Variants in SNTG1 observed in about 807,000 individuals in gnomAD.
SNTG1 encodes the protein gamma-1-syntrophin.
SNTG1 carries 39 observed loss-of-function variants against 74.7 expected under a neutral mutation model. That is an observed-to-expected ratio of 0.52 (90% CI 0.40 to 0.68). SNTG1 has a LOEUF of 0.68. SNTG1 is among the 30% of genes least tolerant of loss of function. The probability of loss-of-function intolerance (pLI) is 0.00; values close to 1 mark genes in which losing one functional copy is unlikely to be tolerated. For synonymous variants in SNTG1, 254 were observed against 217.1 expected, an observed-to-expected ratio of 1.17 and a Z score of -1.49; for missense variants, 685 against 609.5, an observed-to-expected ratio of 1.12 and a Z score of -1.30.
intron 13 of SNTG1, among the ~76,000 whole-genome samples, chr8:50,632,054 C>G (rs1028150399): frequency 6.6e-6 from 1 of 152,164 alleles, no homozygotes. Flanking sequence ...GAAATAACTA[C>G]TGTGCTGTTT....
intron 13 of SNTG1, among the ~76,000 whole-genome samples, chr8:50,610,397 T>G (rs1301653272): frequency 6.6e-6 from 1 of 152,142 alleles, no homozygotes; most frequent in East Asian, 1.9e-4. Flanking sequence ...TCCTCCCCAC[T>G]GTGATTTGGG....
chr8:50,789,617 A>G (rs749478005), intron 18 of SNTG1, among the ~76,000 whole-genome samples: 5 of 151,978 alleles, frequency 3.3e-5, no homozygotes, highest in Non-Finnish European at 7.4e-5. Context: ...TGCTTTTCCC[A>G]TAATTTCTCC....
chr8:50,583,176 G>A (rs1276515163), intron 12 of SNTG1, among the ~76,000 whole-genome samples: 1 of 151,950 alleles, frequency 6.6e-6, no homozygotes, highest in East Asian at 1.9e-4. Flanking sequence ...GCCGAGGCGA[G>A]TGGATCACCT....
intron 9 of SNTG1, among the ~76,000 whole-genome samples, chr8:50,509,873 T>C (rs1488957268): frequency 1.3e-5 from 2 of 152,188 alleles, no homozygotes; most frequent in African/African-American, 2.4e-5. Flanking sequence ...CAGGGACAAT[T>C]TGACTTCCTC....
intron 1 of SNTG1, among the ~76,000 whole-genome samples, chr8:50,079,000 A>G (rs1221191214): frequency 1.3e-5 from 2 of 152,188 alleles, no homozygotes; most frequent in Non-Finnish European, 1.5e-5. Context: ...GCTATTGTAA[A>G]TAGTGCTGCA....
chr8:50,634,314 G>A (rs757450933), intron 13 of SNTG1, among the ~76,000 whole-genome samples: 11 of 152,182 alleles, frequency 7.2e-5, no homozygotes, highest in Non-Finnish European at 1.0e-4. Flanking sequence ...GCTAACTGTG[G>A]CACAAATCAC....
chr8:50,209,184 G>A lies in SNTG1; in HGVS notation c.-28+36549G>A, dbSNP rs373291238. 2.0e-4 allele frequency among the ~76,000 whole-genome samples: 31 copies of A among 152,222 alleles called. 1 individual carries two copies. The highest frequency in any genetic ancestry group is 7.2e-4 in the African/African-American group (30 of 41,540). ...CAGTGAGGCTGGGGGAGGGGTGCCC[G>A]CCATTGCTGAGGCTTGAGTAGATAA... is the stretch of plus-strand genomic sequence containing the variant. On this transcript the variant is annotated intron_variant, in intron 2 of 18. Transcript: ENST00000642720.
chr8:50,286,355 T>C (rs1259685694), intron 2 of SNTG1, among the ~76,000 whole-genome samples: 2 of 152,196 alleles, frequency 1.3e-5, no homozygotes, highest in Non-Finnish European at 2.9e-5. Context: ...ACCTGGGTTT[T>C]GAATGTGTTT....
chr8:50,239,171 C>T (rs986311367), intron 2 of SNTG1, among the ~76,000 whole-genome samples: 1 of 152,104 alleles, frequency 6.6e-6, no homozygotes, highest in Non-Finnish European at 1.5e-5. Flanking sequence ...ATTGTTCTAC[C>T]ATAAAAACAT....
At chr8:50,720,236 A>G (rs923990850) in intron 17 of SNTG1, among the ~76,000 whole-genome samples, 2 of 152,192 alleles carry the variant, frequency 1.3e-5, no homozygotes, top group Non-Finnish European at 2.9e-5. Flanking sequence ...ATTTAATTCT[A>G]TCCTCTTGCC....
intron 2 of SNTG1, among the ~76,000 whole-genome samples, chr8:50,326,196 T>G (rs2090740550): frequency 6.6e-6 from 1 of 152,048 alleles, no homozygotes; most frequent in Admixed American, 6.5e-5. Context: ...TTTATATTAG[T>G]GTAATACCTG....
chr8:50,782,814 T>C (rs2095663713), intron 18 of SNTG1, among the ~76,000 whole-genome samples: 3 of 152,172 alleles, frequency 2.0e-5, no homozygotes, highest in African/African-American at 7.2e-5. Context: ...TTCTCCTCTG[T>C]TTTTCCCCAT....
intron 2 of SNTG1, among the ~76,000 whole-genome samples, chr8:50,189,563 A>C (rs1172245755): frequency 6.6e-6 from 1 of 152,066 alleles, no homozygotes; most frequent in Non-Finnish European, 1.5e-5. Context: ...GTCCCTGATA[A>C]CTCTCTGTTT....
At chr8:50,747,271 T>C (rs889228585) in intron 17 of SNTG1, among the ~76,000 whole-genome samples, 26 of 152,000 alleles carry the variant, frequency 1.7e-4, no homozygotes, top group Non-Finnish European at 5.9e-5. Flanking sequence ...CATGAAGGGT[T>C]ATGCTTCAGT....
Position 50,037,876 on chromosome 8 carries a change from GA to G in SNTG1, c.-103+125647del, listed in dbSNP as rs200186153. Reference sequence around the variant, plus strand: ...TAGAAACTGATGAGAGAGTGTGGAAGAATTACTCAATGTTAGCCATGAAAGG... The same window carrying G: ...TAGAAACTGATGAGAGAGTGTGGAAGATTACTCAATGTTAGCCATGAAAGG... On this transcript the variant is annotated intron_variant, in intron 1 of 18. Coordinates refer to ENST00000642720, the MANE Select transcript of SNTG1 (RefSeq NM_018967.5). Among the ~76,000 whole-genome samples, 504 of 152,282 alleles carry G rather than the reference GA, an allele frequency of 3.3e-3. 2 individuals are homozygous for G. The highest frequency in any genetic ancestry group is 8.6e-3 in the Admixed American group (132 of 15,292).
chr8:50,451,053 A>C (rs1264893666), intron 8 of SNTG1, among the ~76,000 whole-genome samples: 1 of 152,170 alleles, frequency 6.6e-6, no homozygotes, highest in African/African-American at 2.4e-5. Context: ...TAAATGTTTA[A>C]AAGCTTATAA....
chr8:50,387,838 CAGG>C (rs968442999), intron 2 of SNTG1, among the ~76,000 whole-genome samples: 2 of 152,126 alleles, frequency 1.3e-5, no homozygotes, highest in African/African-American at 4.8e-5. Context: ...GTTGGATCCT[CAGG>C]AGAATCAGCA....
chr8:50,450,541 C>T lies in SNTG1; in HGVS notation c.278-15C>T. The T allele has an allele frequency of 6.2e-7, 1 of 1,612,974 alleles. No homozygotes were observed. Among genetic ancestry groups the T allele is most frequent in the Non-Finnish European group, 8.5e-7 (1 of 1,179,586 alleles). ...AACAGTCAATGCATTATCAATTGTG[C>T]TTTTTCATTCACAGCGGAACTTTCA... On this transcript the variant is annotated splice_polypyrimidine_tract_variant and intron_variant, in intron 6 of 18. Transcript: ENST00000642720.
At chr8:50,351,029 T>C (rs941964529) in intron 2 of SNTG1, among the ~76,000 whole-genome samples, 4 of 152,224 alleles carry the variant, frequency 2.6e-5, no homozygotes, top group African/African-American at 9.6e-5. Flanking sequence ...TTAAGAACTG[T>C]AACACTCACT....
Sources: gnomAD v4.1 joint callset for allele counts (sites outside exome capture counted in the v4.1 genomes callset) on GRCh38, gnomAD v4.1.1 for gene constraint, MANE v1.5 for transcripts, NCBI Gene and HGNC (gene_info 2026-07-23, HGNC 2026-07-21) for gene names.